The following UBE2L3 variants were observed in gnomAD, a reference collection of about 807,000 sequenced individuals.
UBE2L3 encodes ubiquitin conjugating enzyme E2 L3.
UBE2L3 carries 1 observed loss-of-function variant against 17.8 expected under a neutral mutation model. That is an observed-to-expected ratio of 0.06 (90% CI 0.02 to 0.27). The LOEUF (loss-of-function observed/expected upper bound fraction) is 0.27, where lower values mean the gene tolerates loss of function less well. Ranked by LOEUF, UBE2L3 falls within the 10% of genes least tolerant of loss-of-function variation. UBE2L3 has a pLI of 1.00. For missense variants in UBE2L3, 40 were observed against 192.6 expected (o/e 0.21, Z 4.69); for synonymous variants, 44 against 68.5 (o/e 0.64, Z 1.76).
intron 3 of UBE2L3, among the ~76,000 whole-genome samples, chr22:21,619,744 T>G (rs1929958625): frequency 6.6e-6 from 1 of 152,210 alleles, no homozygotes. Context: ...CAAGCTAGAG[T>G]GCAGTGGCAC....
intron 2 of UBE2L3, among the ~76,000 whole-genome samples, chr22:21,606,314 T>TGTGTGTGTGTGTGTGTG (rs1491306846): frequency 5.4e-5 from 7 of 128,500 alleles, no homozygotes; most frequent in East Asian, 4.2e-4. Context: ...GTGTGTGTGG[T>TGTGTGTGTGTGTGTGTG]ATGTGTGTGT....
chr22:21,557,882 A>T (rs375438761), intron 1 of UBE2L3, among the ~76,000 whole-genome samples: 6 of 152,096 alleles, frequency 3.9e-5, no homozygotes, highest in Non-Finnish European at 8.8e-5. Flanking sequence ...TTAATAAAGC[A>T]TTATGCTCCT....
chr22:21,565,971 CT>C (rs527289152), upstream of UBE2L3, among the ~76,000 whole-genome samples: 724 of 122,636 alleles, frequency 5.9e-3, 3 homozygotes, highest in African/African-American at 0.012. Flanking sequence ...CAGAGTACTC[CT>C]TTTTTTTTTT....
intron 1 of UBE2L3, among the ~76,000 whole-genome samples, chr22:21,582,652 A>T (rs1254453253): frequency 1.3e-5 from 2 of 152,134 alleles, no homozygotes; most frequent in East Asian, 3.9e-4. Flanking sequence ...CAGCCACCCG[A>T]GTAGCTGGGA....
chr22:21,588,113 T>C (rs1238269667), intron 1 of UBE2L3, among the ~76,000 whole-genome samples: 1 of 152,230 alleles, frequency 6.6e-6, no homozygotes, highest in East Asian at 1.9e-4. Flanking sequence ...GGTTGCTTCT[T>C]GCTCTGAGCA....
At chr22:21,597,635 T>C (rs1162409787) in intron 2 of UBE2L3, among the ~76,000 whole-genome samples, 2 of 152,104 alleles carry the variant, frequency 1.3e-5, no homozygotes, top group African/African-American at 4.8e-5. Context: ...TATCTATTTT[T>C]AATTTTGTTG....
At chr22:21,555,780 A>C (rs1926203649) in intron 1 of UBE2L3, among the ~76,000 whole-genome samples, 1 of 151,648 alleles carries the variant, frequency 6.6e-6, no homozygotes, top group Admixed American at 6.6e-5. Context: ...AAAAATACAA[A>C]AATTAGCCAG....
intron 2 of UBE2L3, among the ~76,000 whole-genome samples, chr22:21,601,309 G>GGTTTTTTT (rs970856781): frequency 6.6e-6 from 1 of 151,348 alleles, no homozygotes; most frequent in East Asian, 2.0e-4. Context: ...AACTCTTTTG[G>GGTTTTTTT]GTTTTTTTGT....
chr22:21,614,761 A>T lies in UBE2L3; in HGVS notation c.310+3718A>T, dbSNP rs1256077597. 7.9e-6 allele frequency: 6 copies of T among 757,316 alleles called. No individual in the cohort carries two copies. In the East Asian group the frequency reaches 3.2e-4, roughly 41 times the overall value. The allele number at this position is 757,316 out of a possible 1,614,324, so 46.9% of individuals were successfully genotyped here. A position where few individuals can be genotyped will look rare whatever the true frequency, so the allele number is the denominator to read the frequency against. On this transcript the variant is annotated intron_variant, in intron 3 of 3. Transcript: ENST00000342192. The stretch of plus-strand genomic sequence containing the variant: ...ATCTACCCAAGAGAAATGAAAACAT[A>T]TGCCCAATAAAAACTTGTACACAGA...
chr22:21,590,718 G>A (rs1209157203), intron 1 of UBE2L3, among the ~76,000 whole-genome samples: 1 of 152,126 alleles, frequency 6.6e-6, no homozygotes, highest in Non-Finnish European at 1.5e-5. Flanking sequence ...CTTAAGGGAC[G>A]TGCATGGTAT....
At chr22:21,568,285 C>T in intron 1 of UBE2L3, 1 of 986,044 alleles carries the variant, frequency 1.0e-6, no homozygotes, top group Non-Finnish European at 1.2e-6. Context: ...GGAGGCCAGG[C>T]GGCCAAAGTT....
chr22:21,581,633 A>G (rs1384327012), intron 1 of UBE2L3, among the ~76,000 whole-genome samples: 1 of 151,106 alleles, frequency 6.6e-6, no homozygotes, highest in African/African-American at 2.4e-5. Flanking sequence ...TAAACCCCTG[A>G]CTCTACTGAA....
chr22:21,597,011 C>G (rs906846176), intron 2 of UBE2L3, among the ~76,000 whole-genome samples: 2 of 152,132 alleles, frequency 1.3e-5, no homozygotes, highest in Admixed American at 6.5e-5. Flanking sequence ...CAGGGTCTCA[C>G]TCTGTTGCCC....
At position 21,611,097 on chromosome 22, in the gene UBE2L3, G is replaced by T. The variant is rs979867374; in HGVS notation, c.310+54G>T. The T allele has an allele frequency of 1.7e-5, 25 of 1,502,714 alleles. No homozygotes were observed. The African/African-American group carries it at 2.7e-4, about 16-fold the overall frequency. 93.1% of individuals were successfully genotyped at this position (1,502,714 alleles called of 1,614,324 possible). A position where few individuals can be genotyped will look rare whatever the true frequency, so the allele number is the denominator to read the frequency against. On this transcript the variant is annotated intron_variant, in intron 3 of 3. Transcript: ENST00000342192. ...AGGGGGTCTTTGGGGGTGCTGCTCT[G>T]GGGTGGGGGCTTCTGGTACCAGATC...
intron 3 of UBE2L3, among the ~76,000 whole-genome samples, chr22:21,618,507 G>T (rs1929896347): frequency 6.6e-6 from 1 of 151,976 alleles, no homozygotes; most frequent in South Asian, 2.1e-4. Flanking sequence ...GGAGCTTGCA[G>T]TGAGCCGAGA....
chr22:21,609,997 G>A (rs1460195149), intron 2 of UBE2L3, among the ~76,000 whole-genome samples: 1 of 152,176 alleles, frequency 6.6e-6, no homozygotes, highest in African/African-American at 2.4e-5. Flanking sequence ...TTGCATTCTA[G>A]CCTGGGCAAC....
Position 21,581,055 on chromosome 22 carries a change from A to ATT in UBE2L3, c.28-11790_28-11789dup, listed in dbSNP as rs576111528. 2.0e-3 allele frequency among the ~76,000 whole-genome samples: 259 copies of ATT among 130,794 alleles called. 1 individual carries two copies. The highest frequency in any genetic ancestry group is 8.6e-3 in the Middle Eastern group (2 of 232). The allele number at this position is 130,794 out of a possible 152,430, so 85.8% of individuals were successfully genotyped here. On this transcript the variant is annotated intron_variant, in intron 1 of 3. Transcript: ENST00000342192. ...AGGTGTGTGCCACCATGCCCGGCTA[A>ATT]TTTTTTTTTTTTTTTTTGAGATGGA...
Position 21,579,226 on chromosome 22 carries a change from A to G in UBE2L3, c.27+11455A>G, listed in dbSNP as rs187351456. Among the ~76,000 whole-genome samples the G allele has an allele frequency of 4.3e-3, 659 of 152,104 alleles. 4 individuals carry two copies. Among genetic ancestry groups the G allele is most frequent in the African/African-American group, 0.015 (628 of 41,510 alleles). ...AGGATGGTCTCGAACTTCTGACCTC[A>G]GGTTATCCACCTGCCTCGGCCTCCC... On this transcript the variant is annotated intron_variant, in intron 1 of 3. Transcript: ENST00000342192.
chr22:21,567,629 C>G (rs1926697418), upstream of UBE2L3: 1 of 1,539,128 alleles, frequency 6.5e-7, no homozygotes, highest in African/African-American at 1.4e-5. Context: ...AGTAGGTGCT[C>G]CGCTCTGCTC....
Sources: gnomAD v4.1 joint callset for allele counts (sites outside exome capture counted in the v4.1 genomes callset) on GRCh38, gnomAD v4.1.1 for gene constraint, MANE v1.5 for transcripts, NCBI Gene and HGNC (gene_info 2026-07-23, HGNC 2026-07-21) for gene names.